Variants in AP2B1 observed in about 807,000 individuals in gnomAD.
AP2B1 encodes the protein AP-2 complex subunit beta.
Under a neutral mutation model 102.0 loss-of-function variants are expected in AP2B1, and 23 were observed. The ratio of observed to expected loss-of-function variants is 0.23; its 90% CI spans 0.16 to 0.32. The LOEUF (loss-of-function observed/expected upper bound fraction) is 0.32. Ranked by LOEUF, AP2B1 falls within the 10% of genes least tolerant of loss-of-function variation. AP2B1 has a pLI of 1.00. For synonymous variants in AP2B1, 381 were observed against 421.2 expected, an observed-to-expected ratio of 0.90 and a Z score of 1.17; for missense variants, 541 against 1,157.4, an observed-to-expected ratio of 0.47 and a Z score of 7.73.
intron 18 of AP2B1, among the ~76,000 whole-genome samples, chr17:35,690,777 T>C (rs2076025298): frequency 6.6e-6 from 1 of 152,234 alleles, no homozygotes; most frequent in African/African-American, 2.4e-5. Context: ...TCTATGAATT[T>C]ATACCTTGAA....
At chr17:35,698,228 T>G (rs1433295595) in intron 18 of AP2B1, among the ~76,000 whole-genome samples, 1 of 152,170 alleles carries the variant, frequency 6.6e-6, no homozygotes, top group Non-Finnish European at 1.5e-5. Context: ...GAAATGAATT[T>G]TTTTCACTCA....
chr17:35,646,652 C>G (rs1360008816), intron 12 of AP2B1, among the ~76,000 whole-genome samples: 7 of 146,740 alleles, frequency 4.8e-5, no homozygotes, highest in Admixed American at 4.2e-4. Context: ...GTGGTGCAAT[C>G]TCAGCTCACT....
intron 9 of AP2B1, among the ~76,000 whole-genome samples, chr17:35,630,378 T>A (rs1422338332): frequency 6.6e-6 from 1 of 152,252 alleles, no homozygotes; most frequent in Non-Finnish European, 1.5e-5. Flanking sequence ...TCACCACACG[T>A]CACAACTTGT....
intron 12 of AP2B1, 104 bp from the exon 13 acceptor site, chr17:35,650,425 TC>T: frequency 4.5e-6 from 6 of 1,340,254 alleles, no homozygotes; most frequent in Non-Finnish European, 4.1e-6. Context: ...TAATACCCAG[TC>T]TGCATAAATC....
chr17:35,627,343 A>G (rs1194151895), intron 7 of AP2B1, 42 bp from the exon 8 acceptor site: 3 of 1,576,444 alleles, frequency 1.9e-6, no homozygotes, highest in East Asian at 2.3e-5. Flanking sequence ...GTATATCAGT[A>G]TATGCCTTCA....
intron 21 of AP2B1, among the ~76,000 whole-genome samples, chr17:35,717,902 C>G (rs1405005313): frequency 6.6e-6 from 1 of 152,196 alleles, no homozygotes; most frequent in Non-Finnish European, 1.5e-5. Context: ...TCACACTGAA[C>G]TAAAGTAAAA....
chr17:35,622,411 C>T (rs892819441), intron 5 of AP2B1, among the ~76,000 whole-genome samples: 9 of 152,028 alleles, frequency 5.9e-5, no homozygotes, highest in Admixed American at 5.9e-4. Flanking sequence ...CATTTATCTT[C>T]TAGATAAAAT....
intron 18 of AP2B1, among the ~76,000 whole-genome samples, chr17:35,693,327 T>C (rs1487175252): frequency 1.3e-5 from 2 of 152,228 alleles, no homozygotes; most frequent in Non-Finnish European, 2.9e-5. Flanking sequence ...TAGTTGTTTA[T>C]ATGAAATAAA....
intron 17 of AP2B1, among the ~76,000 whole-genome samples, chr17:35,676,843 T>G (rs920065426): frequency 2.0e-5 from 3 of 152,186 alleles, no homozygotes; most frequent in East Asian, 3.8e-4. Flanking sequence ...TTGTTGTTTT[T>G]GGGGGGAGAG....
At chr17:35,600,107 A>G (rs225291) in intron 3 of AP2B1, among the ~76,000 whole-genome samples, 121,639 of 151,140 alleles carry the variant, frequency 0.8, 48,765 homozygotes, top group African/African-American at 0.85. Context: ...TTTGAGACAG[A>G]GTCTTACTCT....
intron 18 of AP2B1, among the ~76,000 whole-genome samples, chr17:35,707,860 G>A (rs2076375912): frequency 6.6e-6 from 1 of 152,168 alleles, no homozygotes; most frequent in Non-Finnish European, 1.5e-5. Flanking sequence ...AGCATTTTGG[G>A]CATCAGGCCA....
intron 14 of AP2B1, chr17:35,659,888 T>C (rs1324659527): frequency 6.1e-6 from 6 of 985,248 alleles, no homozygotes; most frequent in African/African-American, 1.7e-5. Context: ...TGGTTAAATA[T>C]ATATTCACTC....
intron 5 of AP2B1, among the ~76,000 whole-genome samples, chr17:35,611,497 G>A (rs1188150476): frequency 1.3e-5 from 2 of 152,028 alleles, no homozygotes; most frequent in Admixed American, 6.5e-5. Flanking sequence ...GCGCACGTGC[G>A]CACACACACT....
At chr17:35,693,310 C>CCA (rs759063497) in intron 18 of AP2B1, among the ~76,000 whole-genome samples, 29 of 152,240 alleles carry the variant, frequency 1.9e-4, no homozygotes, top group Non-Finnish European at 4.0e-4. Context: ...GCGTTAGCCA[C>CCA]CACACCTAGT....
intron 20 of AP2B1, among the ~76,000 whole-genome samples, chr17:35,711,602 G>A (rs1406773953): frequency 1.3e-5 from 2 of 152,068 alleles, no homozygotes; most frequent in African/African-American, 4.8e-5. Flanking sequence ...CAGAGTAGCT[G>A]GGACTACAGG....
chr17:35,659,603 A>G (rs536834896), intron 14 of AP2B1, among the ~76,000 whole-genome samples: 2 of 151,946 alleles, frequency 1.3e-5, no homozygotes, highest in Non-Finnish European at 2.9e-5. Context: ...CTTTTTTTTT[A>G]TATAAGGGAT....
intron 18 of AP2B1, among the ~76,000 whole-genome samples, chr17:35,706,819 T>A (rs226091): frequency 0.36 from 53,909 of 151,478 alleles, 9,725 homozygotes; most frequent in East Asian, 0.44. Context: ...ATATATATAT[T>A]TTTTTGTATT....
chr17:35,708,775 CTACATGACTCTGGATGT>C (rs1445131486), intron 18 of AP2B1, among the ~76,000 whole-genome samples: 1 of 152,118 alleles, frequency 6.6e-6, no homozygotes, highest in East Asian at 1.9e-4. Context: ...TGTGTACTAG[CTACATGACTCTGGATGT>C]TACTTAGTCT....
chr17:35,625,545 C>T (rs2074290518), intron 6 of AP2B1, among the ~76,000 whole-genome samples: 1 of 152,046 alleles, frequency 6.6e-6, no homozygotes, highest in Non-Finnish European at 1.5e-5. Context: ...ATACTGTGTG[C>T]CAGGCAGTGT....
Sources: gnomAD v4.1 joint callset for allele counts (sites outside exome capture counted in the v4.1 genomes callset) on GRCh38, gnomAD v4.1.1 for gene constraint, MANE v1.5 for transcripts, NCBI Gene and HGNC (gene_info 2026-07-23, HGNC 2026-07-21) for gene names.